Variants in NBEA observed in about 807,000 individuals in gnomAD.
NBEA encodes neurobeachin, also known as lysosomal-trafficking regulator 2.
Under a neutral mutation model 343.4 loss-of-function variants are expected in NBEA, and 44 were observed. The observed-to-expected ratio is 0.13, with a 90% confidence interval of 0.10 to 0.16. NBEA has a LOEUF of 0.16. NBEA is among the 10% of genes least tolerant of loss of function. The probability of loss-of-function intolerance (pLI) is 1.00; values close to 1 mark genes in which losing one functional copy is unlikely to be tolerated. For missense variants in NBEA, 2,555 were observed against 3,631.3 expected (o/e 0.70, Z 7.62); for synonymous variants, 1,175 against 1,238.7 (o/e 0.95, Z 1.08).
intron 11 of NBEA, among the ~76,000 whole-genome samples, chr13:35,106,335 A>G (rs1023717296): frequency 6.6e-6 from 1 of 152,012 alleles, no homozygotes; most frequent in Non-Finnish European, 1.5e-5. Context: ...AAGGAAATAC[A>G]TTTAAAAGCA....
intron 38 of NBEA, among the ~76,000 whole-genome samples, chr13:35,365,955 T>C (rs2041084859): frequency 1.3e-5 from 2 of 151,652 alleles, no homozygotes; most frequent in African/African-American, 4.8e-5. Context: ...GTTAGTGTCA[T>C]TTGTCAGTAA....
intron 39 of NBEA, among the ~76,000 whole-genome samples, chr13:35,450,132 G>A (rs563407229): frequency 1.3e-5 from 2 of 152,194 alleles, no homozygotes; most frequent in African/African-American, 4.8e-5. Flanking sequence ...AAGGAAAAAA[G>A]CCAACTATTT....
intron 18 of NBEA, among the ~76,000 whole-genome samples, chr13:35,153,250 G>C (rs1462523023): frequency 6.6e-6 from 1 of 151,838 alleles, no homozygotes; most frequent in Non-Finnish European, 1.5e-5. Flanking sequence ...AGCCAGGATG[G>C]TCTCGATCTC....
chr13:35,539,186 A>T (rs1566287487), intron 41 of NBEA, among the ~76,000 whole-genome samples: 1 of 152,194 alleles, frequency 6.6e-6, no homozygotes. Context: ...GGTTAGTGGG[A>T]GACACCAAGA....
intron 34 of NBEA, among the ~76,000 whole-genome samples, chr13:35,267,673 A>G (rs9600417): frequency 0.21 from 31,192 of 151,700 alleles, 3,515 homozygotes; most frequent in African/African-American, 0.29. Context: ...AAAACTCAAA[A>G]AAGCACAAAA....
intron 38 of NBEA, among the ~76,000 whole-genome samples, chr13:35,418,325 G>A (rs2044064851): frequency 6.6e-6 from 1 of 151,974 alleles, no homozygotes; most frequent in Admixed American, 6.6e-5. Flanking sequence ...TGACTCATTT[G>A]CAGAAGAAAA....
chr13:35,182,806 A>C (rs2152731148), intron 29 of NBEA, among the ~76,000 whole-genome samples: 1 of 152,056 alleles, frequency 6.6e-6, no homozygotes, highest in South Asian at 2.1e-4. Flanking sequence ...TTAATATGCA[A>C]GTAACTCATA....
At chr13:35,264,153 C>T (rs1362633789) in intron 34 of NBEA, among the ~76,000 whole-genome samples, 2 of 148,948 alleles carry the variant, frequency 1.3e-5, no homozygotes, top group African/African-American at 4.9e-5. Context: ...AATCGGATAC[C>T]CTAGAAGAAA....
At chr13:35,229,152 T>G (rs939276768) in intron 33 of NBEA, among the ~76,000 whole-genome samples, 4 of 152,122 alleles carry the variant, frequency 2.6e-5, no homozygotes, top group Non-Finnish European at 4.4e-5. Flanking sequence ...TGCCTCAACC[T>G]TTTGAGTAGC....
At chr13:35,285,549 A>G (rs1183091059) in intron 34 of NBEA, among the ~76,000 whole-genome samples, 2 of 152,082 alleles carry the variant, frequency 1.3e-5, no homozygotes, top group Non-Finnish European at 2.9e-5. Context: ...TCTCAGTTAA[A>G]GGTATCATCA....
intron 47 of NBEA, among the ~76,000 whole-genome samples, chr13:35,596,048 G>A (rs1320531901): frequency 1.3e-5 from 2 of 151,882 alleles, no homozygotes; most frequent in Admixed American, 6.6e-5. Flanking sequence ...AGGGTTTCTT[G>A]GTCGTCTTAG....
chr13:35,268,425 T>C (rs2033864083), intron 34 of NBEA, among the ~76,000 whole-genome samples: 1 of 152,024 alleles, frequency 6.6e-6, no homozygotes, highest in Admixed American at 6.6e-5. Flanking sequence ...TGGAGATGGA[T>C]GATGGTGATA....
chr13:34,962,262 C>CT (rs2059684925), intron 1 of NBEA, among the ~76,000 whole-genome samples: 1 of 151,980 alleles, frequency 6.6e-6, no homozygotes, highest in South Asian at 2.1e-4. Context: ...CTTTTTCTCT[C>CT]TATGTGTGCA....
chr13:35,429,503 GC>G (rs1168219802), intron 38 of NBEA, among the ~76,000 whole-genome samples: 2 of 151,972 alleles, frequency 1.3e-5, no homozygotes, highest in Non-Finnish European at 2.9e-5. Context: ...TGGGCTGTTG[GC>G]CTCTTTGCCT....
intron 34 of NBEA, among the ~76,000 whole-genome samples, chr13:35,285,733 C>G (rs1057377678): frequency 6.6e-6 from 1 of 152,172 alleles, no homozygotes; most frequent in East Asian, 1.9e-4. Flanking sequence ...TCTTCCTATA[C>G]TGCTGACAGA....
chr13:35,432,165 A>T, intron 38 of NBEA, 104 bp from the exon 39 acceptor site: 2 of 944,676 alleles, frequency 2.1e-6, no homozygotes, highest in Non-Finnish European at 3.0e-6. Context: ...AATTATCTTA[A>T]TTTTTCAATG....
chr13:35,338,053 G>A (rs1270303278), intron 36 of NBEA, among the ~76,000 whole-genome samples: 8 of 151,542 alleles, frequency 5.3e-5, no homozygotes, highest in South Asian at 2.1e-4. Flanking sequence ...CCCCCAACAG[G>A]ACAAACTAGA....
At chr13:35,301,004 A>G (rs1385191471) in intron 35 of NBEA, among the ~76,000 whole-genome samples, 1 of 152,162 alleles carries the variant, frequency 6.6e-6, no homozygotes, top group Non-Finnish European at 1.5e-5. Context: ...ACAAATTATT[A>G]AACATGCTTT....
intron 16 of NBEA, among the ~76,000 whole-genome samples, chr13:35,120,349 C>T (rs1196389043): frequency 2.0e-5 from 3 of 151,984 alleles, no homozygotes; most frequent in East Asian, 1.9e-4. Flanking sequence ...GATTGTTACC[C>T]GTATGTTAAA....
Sources: gnomAD v4.1 joint callset for allele counts (sites outside exome capture counted in the v4.1 genomes callset) on GRCh38, gnomAD v4.1.1 for gene constraint, MANE v1.5 for transcripts, NCBI Gene and HGNC (gene_info 2026-07-23, HGNC 2026-07-21) for gene names.